Variants in MAP2 observed in about 807,000 individuals in gnomAD.
The protein encoded by MAP2 is microtubule-associated protein 2.
In MAP2, 14 loss-of-function variants were observed where a neutral mutation model predicts 137.6. The ratio of observed to expected loss-of-function variants is 0.10; its 90% CI spans 0.07 to 0.16. MAP2 has a LOEUF of 0.16. MAP2 is among the 10% of genes least tolerant of loss of function. The pLI is 1.00. For missense variants in MAP2, 2,088 were observed against 2,191.5 expected (o/e 0.95, Z 0.94); for synonymous variants, 786 against 782.3 (o/e 1.00, Z -0.08).
chr2:209,693,433 G>C lies in MAP2; in HGVS notation c.1263G>C (p.Gln421His), dbSNP rs774953298. The change falls in exon 8 of 16, where the codon CAG (glutamine) becomes CAC (histidine). Residue 421 changes from glutamine (Q) to histidine (H), a missense_variant. Gln to His is a conservative substitution (Grantham distance 24). Transcript: ENST00000682079. The stretch of plus-strand genomic sequence containing the variant: ...AGGCCATAAATCAAGAGACTGTGCA[G>C]CAAAGGGATACTTTCACCCCCAGTG... ...EKEAINQETVQQRDTFTPSGQ... is the reference protein window; with the variant it reads ...EKEAINQETVHQRDTFTPSGQ... 1 of 1,613,908 alleles carries C rather than the reference G, an allele frequency of 6.2e-7. No homozygotes were observed. Among genetic ancestry groups the C allele is most frequent in the Non-Finnish European group, 8.5e-7 (1 of 1,179,970 alleles).
chr2:209,511,739 A>G (rs1440750031), intron 2 of MAP2, among the ~76,000 whole-genome samples: 1 of 151,680 alleles, frequency 6.6e-6, no homozygotes, highest in East Asian at 1.9e-4. Context: ...TCCTGGCTAT[A>G]TTTTTTATTT....
intron 2 of MAP2, among the ~76,000 whole-genome samples, chr2:209,526,070 A>G (rs956851660): frequency 1.3e-5 from 2 of 152,122 alleles, no homozygotes; most frequent in Non-Finnish European, 2.9e-5. Flanking sequence ...GATATTTTCA[A>G]GCTTAAAAAG....
Position 209,599,954 on chromosome 2 carries a change from A to G in MAP2, c.-107+19854A>G, listed in dbSNP as rs1362888352. ...AGTTATATAATTAGTAGTAATTACT[A>G]TGATCTTCCAAATTACATTACTCTA... On this transcript the variant is annotated intron_variant, in intron 3 of 15. Coordinates refer to ENST00000682079, the MANE Select transcript of MAP2 (RefSeq NM_001375505.1). Among the ~76,000 whole-genome samples the G allele has an allele frequency of 2.0e-5, 3 of 152,212 alleles. No individual in the cohort carries two copies. The East Asian group carries it at 5.8e-4, about 29-fold the overall frequency.
chr2:209,611,942 G>A (rs1321676193), intron 3 of MAP2, among the ~76,000 whole-genome samples: 1 of 152,094 alleles, frequency 6.6e-6, no homozygotes, highest in African/African-American at 2.4e-5. Flanking sequence ...AAACCTATTA[G>A]CGTGTATCAC....
chr2:209,716,468 A>G (rs756832287), intron 13 of MAP2, among the ~76,000 whole-genome samples: 13 of 152,262 alleles, frequency 8.5e-5, no homozygotes, highest in Non-Finnish European at 1.6e-4. Context: ...CATGTGGTGC[A>G]GGATGACTTT....
intron 5 of MAP2, among the ~76,000 whole-genome samples, chr2:209,664,962 CAAAAAA>C (rs67286716): frequency 3.9e-5 from 2 of 51,832 alleles, no homozygotes; most frequent in African/African-American, 1.2e-4. Flanking sequence ...AACTCCGTCT[CAAAAAA>C]AAAAAAAAAA....
At chr2:209,595,004 T>G (rs2080852034) in intron 3 of MAP2, among the ~76,000 whole-genome samples, 1 of 152,150 alleles carries the variant, frequency 6.6e-6, no homozygotes, top group African/African-American at 2.4e-5. Context: ...AATTACAAGG[T>G]GATCCCAAGG....
chr2:209,497,603 T>C (rs531317450), intron 1 of MAP2, among the ~76,000 whole-genome samples: 1 of 152,194 alleles, frequency 6.6e-6, no homozygotes, highest in Non-Finnish European at 1.5e-5. Flanking sequence ...GGAAACATAG[T>C]GCTGGCATCA....
chr2:209,452,211 GA>G lies in MAP2; in HGVS notation c.-222+27936del, dbSNP rs1226005224. On this transcript the variant is annotated intron_variant, in intron 1 of 15. Transcript: ENST00000682079. ...TAGGTATTTTTCTCCTTTAGAGATG[GA>G]TCTGTGATCTCTACAAGTAGACAGA... Among the ~76,000 whole-genome samples, 4 of 152,266 alleles carry G rather than the reference GA, an allele frequency of 2.6e-5. No individual in the cohort carries two copies. In the South Asian group the frequency reaches 8.3e-4, roughly 32 times the overall value.
chr2:209,490,304 T>A (rs1018741168), intron 1 of MAP2, among the ~76,000 whole-genome samples: 1 of 152,032 alleles, frequency 6.6e-6, no homozygotes, highest in African/African-American at 2.4e-5. Flanking sequence ...GAAAAACCGG[T>A]ACCAGACACT....
chr2:209,634,313 A>G (rs937947655), intron 4 of MAP2, among the ~76,000 whole-genome samples: 1 of 152,158 alleles, frequency 6.6e-6, no homozygotes, highest in Non-Finnish European at 1.5e-5. Context: ...GGATTAGCTT[A>G]TTGCTATAAC....
chr2:209,704,294 C>G (rs559962683), intron 11 of MAP2, among the ~76,000 whole-genome samples: 4 of 152,286 alleles, frequency 2.6e-5, no homozygotes, highest in African/African-American at 9.6e-5. Flanking sequence ...CTCTTCTCAT[C>G]TAAGTACACA....
chr2:209,432,752 T>A (rs1217770360), intron 1 of MAP2, among the ~76,000 whole-genome samples: 1 of 152,144 alleles, frequency 6.6e-6, no homozygotes, highest in Non-Finnish European at 1.5e-5. Context: ...GAAAAATGGG[T>A]TGTGCATATT....
chr2:209,678,482 T>C (rs1400644731), intron 5 of MAP2, 90 bp from the exon 6 acceptor site: 1 of 518,346 alleles, frequency 1.9e-6, no homozygotes, highest in Non-Finnish European at 3.3e-6. Context: ...GAAAATGAAA[T>C]TATAATCCAC....
chr2:209,694,416 C>T lies in MAP2; in HGVS notation c.2246C>T (p.Thr749Ile). 2 of 1,614,098 alleles carry T rather than the reference C, an allele frequency of 1.2e-6. No individual in the cohort carries two copies. Among genetic ancestry groups the T allele is most frequent in the Non-Finnish European group, 1.7e-6 (2 of 1,179,996 alleles). Residue 749 changes from threonine (T) to isoleucine (I), a missense_variant, in exon 8 of 16, where the codon ACC becomes ATC. By Grantham distance (89) the Thr-to-Ile change is moderately conservative. Coordinates refer to ENST00000682079, the MANE Select transcript of MAP2 (RefSeq NM_001375505.1). Reference sequence around the variant, plus strand: ...GAAGGGGATGATTACCTTCCAGCCACCACACCTGCACTGGAGAAAGCCCCT... The same window carrying T: ...GAAGGGGATGATTACCTTCCAGCCATCACACCTGCACTGGAGAAAGCCCCT... The part of the protein sequence containing the change: ...MDEGDDYLPA[T>I]TPALEKAPCF...
At chr2:209,427,009 ATG>A in intron 1 of MAP2, among the ~76,000 whole-genome samples, 1 of 152,350 alleles carries the variant, frequency 6.6e-6, no homozygotes, top group Middle Eastern at 3.4e-3. Flanking sequence ...CTATTAACAA[ATG>A]TAGTTGCACT....
At chr2:209,660,701 A>AATTATTATTATT (rs562421271) in intron 5 of MAP2, among the ~76,000 whole-genome samples, 5 of 104,440 alleles carry the variant, frequency 4.8e-5, no homozygotes, top group South Asian at 3.7e-4. Flanking sequence ...GGCCTGCTGC[A>AATTATTATTATT]ATTATTATTA....
chr2:209,640,552 CAA>C (rs5838177), intron 4 of MAP2, among the ~76,000 whole-genome samples: 3 of 136,216 alleles, frequency 2.2e-5, no homozygotes, highest in African/African-American at 2.5e-5. Context: ...CAAAGAAATG[CAA>C]AAAAAAAAAA....
At chr2:209,505,500 A>G (rs1434806531) in intron 1 of MAP2, among the ~76,000 whole-genome samples, 1 of 152,096 alleles carries the variant, frequency 6.6e-6, no homozygotes, top group African/African-American at 2.4e-5. Flanking sequence ...GTTGATTTTC[A>G]TGCAGTATTT....
Sources: allele counts gnomAD v4.1 joint callset (sites outside exome capture counted in the v4.1 genomes callset), GRCh38; gene constraint gnomAD v4.1.1; transcripts MANE v1.5; gene names NCBI Gene and HGNC (gene_info 2026-07-23, HGNC 2026-07-21).